PDZRN3: variants seen among roughly 807,000 people sequenced by gnomAD.
The protein encoded by PDZRN3 is PDZ domain containing ring finger 3.
PDZRN3 carries 38 observed loss-of-function variants against 85.7 expected under a neutral mutation model. The observed-to-expected ratio is 0.44, with a 90% CI of 0.34 to 0.58. The LOEUF is 0.58. Ranked by LOEUF, PDZRN3 falls within the 20% of genes least tolerant of loss-of-function variation. The pLI is 0.01. For missense variants in PDZRN3, 1,629 were observed against 1,506.4 expected (o/e 1.08, Z -1.35); for synonymous variants, 759 against 638.0 (o/e 1.19, Z -2.86).
intron 7 of PDZRN3, 53 bp downstream of exon 7, chr3:73,389,763 T>C (rs1701480771): frequency 1.6e-6 from 2 of 1,267,978 alleles, no homozygotes; most frequent in African/African-American, 1.5e-5. Flanking sequence ...TAGAACCAGT[T>C]TGTTCTTTAG....
chr3:73,479,190 A>C (rs1482757309), intron 3 of PDZRN3, among the ~76,000 whole-genome samples: 1 of 152,194 alleles, frequency 6.6e-6, no homozygotes, highest in Non-Finnish European at 1.5e-5. Flanking sequence ...CTGTCATTGT[A>C]TATCAGAATA....
At chr3:73,592,882 A>G (rs1324209888) in intron 3 of PDZRN3, among the ~76,000 whole-genome samples, 4 of 152,170 alleles carry the variant, frequency 2.6e-5, no homozygotes, top group Non-Finnish European at 4.4e-5. Flanking sequence ...GCCTGTTCAT[A>G]GCACCCTGGT....
chr3:73,385,288 C>T (rs1331638993), intron 9 of PDZRN3, among the ~76,000 whole-genome samples: 2 of 152,210 alleles, frequency 1.3e-5, no homozygotes, highest in Non-Finnish European at 2.9e-5. Context: ...CTCATTAAGA[C>T]TCTGACAATG....
intron 3 of PDZRN3, among the ~76,000 whole-genome samples, chr3:73,493,138 C>T (rs886643744): frequency 1.3e-5 from 2 of 151,890 alleles, no homozygotes; most frequent in African/African-American, 4.8e-5. Context: ...TTCTCCTTGG[C>T]CTCAGAGGCA....
chr3:73,387,889 C>T, intron 8 of PDZRN3, 79 bp downstream of exon 8: 1 of 675,076 alleles, frequency 1.5e-6, no homozygotes, highest in Admixed American at 2.5e-5. Flanking sequence ...AGCCAATACT[C>T]AGGTGCTCTT....
rs144340224 is a variant in PDZRN3 at position 73,563,833 on chromosome 3, G to A, written c.918+38521C>T. Among the ~76,000 whole-genome samples, 91 of 152,368 alleles carry A rather than the reference G, an allele frequency of 6.0e-4. No individual in the cohort carries two copies. In the Middle Eastern group the frequency reaches 0.01, roughly 17 times the overall value. On this transcript the variant is annotated intron_variant, in intron 3 of 9. Coordinates refer to ENST00000263666, the MANE Select transcript of PDZRN3 (RefSeq NM_015009.3). Reference sequence around the variant, plus strand: ...TTGCAAAAGAGGCAACTGGGGCCCAGAGGGGGAAAACAATCTGACAGAACA... The same window carrying A: ...TTGCAAAAGAGGCAACTGGGGCCCAAAGGGGGAAAACAATCTGACAGAACA...
intron 3 of PDZRN3, among the ~76,000 whole-genome samples, chr3:73,573,829 A>ACC (rs1553704157): frequency 0.017 from 1,047 of 62,580 alleles, 7 homozygotes; most frequent in African/African-American, 0.066. Context: ...ATACATATAC[A>ACC]TATACATATA....
intron 3 of PDZRN3, among the ~76,000 whole-genome samples, chr3:73,548,945 T>C (rs965060213): frequency 6.6e-6 from 1 of 151,818 alleles, no homozygotes; most frequent in Admixed American, 6.6e-5. Context: ...AGAGAGAAAA[T>C]GGTGCAGAAA....
intron 3 of PDZRN3, among the ~76,000 whole-genome samples, chr3:73,532,360 C>G (rs999256902): frequency 7.9e-5 from 12 of 152,186 alleles, no homozygotes; most frequent in African/African-American, 2.7e-4. Context: ...TGATGACATT[C>G]AGCTCAAGCC....
intron 3 of PDZRN3, among the ~76,000 whole-genome samples, chr3:73,470,944 C>T (rs1703325620): frequency 6.6e-6 from 1 of 152,150 alleles, no homozygotes; most frequent in Non-Finnish European, 1.5e-5. Flanking sequence ...TAATTGATTC[C>T]ATTTTGCAAT....
intron 4 of PDZRN3, 26 bp from the exon 5 acceptor site, chr3:73,401,035 A>G (rs186967427): frequency 7.9e-6 from 12 of 1,521,778 alleles, no homozygotes; most frequent in South Asian, 1.1e-5. Flanking sequence ...ACATCTTTAC[A>G]GCCCTTCTTC....
chr3:73,574,862 C>T (rs1272703177), intron 3 of PDZRN3, among the ~76,000 whole-genome samples: 1 of 152,194 alleles, frequency 6.6e-6, no homozygotes, highest in Non-Finnish European at 1.5e-5. Context: ...TCTGGCAGTT[C>T]AGCCCTGTGC....
At chr3:73,616,372 T>A (rs1049288134) in intron 1 of PDZRN3, among the ~76,000 whole-genome samples, 1 of 152,188 alleles carries the variant, frequency 6.6e-6, no homozygotes, top group East Asian at 1.9e-4. Flanking sequence ...CTTGCTTACA[T>A]GAAGGTAGGA....
chr3:73,412,943 G>A (rs554800699), intron 3 of PDZRN3, among the ~76,000 whole-genome samples: 4 of 152,298 alleles, frequency 2.6e-5, no homozygotes, highest in South Asian at 2.1e-4. Context: ...GTCTAAGTCC[G>A]TGCTCTGCCA....
intron 3 of PDZRN3, among the ~76,000 whole-genome samples, chr3:73,584,984 T>A (rs568883603): frequency 1.8e-4 from 27 of 152,232 alleles, no homozygotes; most frequent in East Asian, 1.7e-3. Context: ...TTTAAAAAAA[T>A]TTTTTTTCAA....
intron 3 of PDZRN3, among the ~76,000 whole-genome samples, chr3:73,437,083 G>A (rs920841557): frequency 1.3e-5 from 2 of 150,100 alleles, no homozygotes; most frequent in Non-Finnish European, 3.0e-5. Flanking sequence ...GAACCTCAAG[G>A]ACTGTTGTTT....
chr3:73,402,974 C>T (rs960737158), intron 4 of PDZRN3, among the ~76,000 whole-genome samples: 280 of 130,418 alleles, frequency 2.1e-3, no homozygotes, highest in African/African-American at 8.7e-3. Context: ...GACGGAGTCT[C>T]GCTCTGTTGC....
intron 3 of PDZRN3, among the ~76,000 whole-genome samples, chr3:73,479,598 A>C (rs1018031740): frequency 6.6e-5 from 10 of 152,144 alleles, no homozygotes; most frequent in Middle Eastern, 3.2e-3. Flanking sequence ...GTGCTTCAAA[A>C]TGGTCTTTGT....
chr3:73,572,689 A>T (rs1247672647), intron 3 of PDZRN3, among the ~76,000 whole-genome samples: 3 of 152,226 alleles, frequency 2.0e-5, no homozygotes, highest in Non-Finnish European at 4.4e-5. Flanking sequence ...CTGTCCAGAG[A>T]CAGCAACAAA....
Sources: allele counts gnomAD v4.1 joint callset (sites outside exome capture counted in the v4.1 genomes callset), GRCh38; gene constraint gnomAD v4.1.1; transcripts MANE v1.5; gene names NCBI Gene and HGNC (gene_info 2026-07-23, HGNC 2026-07-21).